CRLF3: variants seen among roughly 807,000 people sequenced by gnomAD.
CRLF3 encodes cytokine receptor like factor 3.
Under a neutral mutation model 55.0 loss-of-function variants are expected in CRLF3, and 33 were observed. The ratio of observed to expected loss-of-function variants is 0.60; its 90% CI spans 0.46 to 0.80. The LOEUF (loss-of-function observed/expected upper bound fraction) is 0.80, where lower values mean the gene tolerates loss of function less well. Ranked by LOEUF, CRLF3 falls within the 30% of genes least tolerant of loss-of-function variation. CRLF3 has a pLI of 0.00. For missense variants in CRLF3, 494 were observed against 538.4 expected (o/e 0.92, Z 0.82); for synonymous variants, 238 against 196.8 (o/e 1.21, Z -1.75).
chr17:30,804,151 A>G, intron 1 of CRLF3, 43 bp from the exon 2 acceptor site: 1 of 1,416,214 alleles, frequency 7.1e-7, no homozygotes, highest in Non-Finnish European at 1.0e-6. Flanking sequence ...AATCTTTAAA[A>G]AAGGCTAATC....
chr17:30,795,663 C>T (rs1394460649), intron 4 of CRLF3, among the ~76,000 whole-genome samples: 2 of 151,496 alleles, frequency 1.3e-5, no homozygotes, highest in African/African-American at 4.9e-5. Flanking sequence ...AGGCCAGGCA[C>T]GGCGGCTCAC....
rs577741884 is a variant in CRLF3 at position 30,817,362 on chromosome 17, C to T, written c.129+7161G>A. 4.6e-5 allele frequency among the ~76,000 whole-genome samples: 7 copies of T among 151,416 alleles called. No homozygotes were observed. The South Asian group carries it at 1.3e-3, about 27-fold the overall frequency. On this transcript the variant is annotated intron_variant, in intron 1 of 7. Coordinates refer to ENST00000324238, the MANE Select transcript of CRLF3 (RefSeq NM_015986.4). ...CTGAGGCAGGAGAATTGCTTGAACC[C>T]GGGAGGTGGAGGTTGCAGTGAACCA...
intron 3 of CRLF3, among the ~76,000 whole-genome samples, chr17:30,797,091 A>G (rs1971929688): frequency 6.6e-6 from 1 of 151,962 alleles, no homozygotes; most frequent in Non-Finnish European, 1.5e-5. Flanking sequence ...GGGTTTCAAC[A>G]TGTTGGCCAG....
intron 6 of CRLF3, among the ~76,000 whole-genome samples, chr17:30,788,920 A>G (rs1971718330): frequency 6.6e-6 from 1 of 151,960 alleles, no homozygotes; most frequent in South Asian, 2.1e-4. Context: ...TAGTGCCTTC[A>G]AGAGTATAGT....
intron 4 of CRLF3, among the ~76,000 whole-genome samples, chr17:30,795,951 T>C (rs1055497831): frequency 6.6e-6 from 1 of 152,044 alleles, no homozygotes; most frequent in Non-Finnish European, 1.5e-5. Context: ...AGCAAAACTC[T>C]GTCTCAAAAA....
In CRLF3 at chr17:30,783,732, T is replaced by TG. The variant is rs1220303650; in HGVS notation, c.*454dup. Reference sequence around the variant, plus strand: ...ATGGAGAGCACAGTCAACACATTCATGTGGACAGCACATGAACGGATGTAT... The same window carrying TG: ...ATGGAGAGCACAGTCAACACATTCATGGTGGACAGCACATGAACGGATGTAT... On this transcript the variant is annotated 3_prime_UTR_variant, in exon 8 of 8. Coordinates refer to ENST00000324238, the MANE Select transcript of CRLF3 (RefSeq NM_015986.4). The TG allele has an allele frequency of 2.0e-5, 3 of 153,752 alleles. No homozygotes were observed. Among genetic ancestry groups the TG allele is most frequent in the Non-Finnish European group, 2.9e-5 (2 of 69,184 alleles). 9.5% of individuals were successfully genotyped at this position (153,752 alleles called of 1,614,324 possible).
intron 3 of CRLF3, 92 bp from the exon 4 acceptor site, chr17:30,796,429 C>G: frequency 1.1e-6 from 1 of 899,156 alleles, no homozygotes. Context: ...CTTGAAAGAT[C>G]CTGAAGCCCC....
intron 1 of CRLF3, 50 bp downstream of exon 1, chr17:30,824,473 T>G (rs996486909): frequency 6.6e-7 from 1 of 1,522,644 alleles, no homozygotes; most frequent in African/African-American, 1.4e-5. Context: ...TCGCCCGGCA[T>G]CCGCGCCACC....
At chr17:30,785,366 C>T (rs73269974) in intron 7 of CRLF3, among the ~76,000 whole-genome samples, 19,309 of 151,868 alleles carry the variant, frequency 0.13, 1,290 homozygotes, top group South Asian at 0.25. Context: ...TGATCCACCG[C>T]GCCCGGCCTC....
rs1402265440 is a variant in CRLF3, at chr17:30,803,728, G to A, written c.337+173C>T. ...CTCTCATTCTCTTCTCTTGTCTGCC[G>A]CCATGTGAGATGTGCCTTTCACCTG... On this transcript the variant is annotated intron_variant, in intron 2 of 7. Coordinates refer to ENST00000324238, the MANE Select transcript of CRLF3 (RefSeq NM_015986.4). The A allele has an allele frequency of 3.3e-5, 21 of 628,570 alleles. 1 individual carries two copies. The highest frequency in any genetic ancestry group is 2.1e-4 in the South Asian group (11 of 52,700). 38.9% of individuals were successfully genotyped at this position (628,570 alleles called of 1,614,324 possible).
intron 1 of CRLF3, 72 bp from the exon 2 acceptor site, chr17:30,804,180 G>T: frequency 2.0e-6 from 2 of 1,017,914 alleles, no homozygotes; most frequent in South Asian, 1.4e-5. Flanking sequence ...TAATTCACAT[G>T]AATCTAAAAG....
chr17:30,823,688 T>C (rs1305913769), intron 1 of CRLF3, among the ~76,000 whole-genome samples: 1 of 152,072 alleles, frequency 6.6e-6, no homozygotes, highest in Admixed American at 6.6e-5. Context: ...TTTCTATATA[T>C]ATTCGAGGGT....
chr17:30,800,107 A>C (rs961237919), intron 2 of CRLF3, among the ~76,000 whole-genome samples: 3 of 152,140 alleles, frequency 2.0e-5, no homozygotes, highest in African/African-American at 7.2e-5. Flanking sequence ...TGAATCATCC[A>C]CGCCTTTTTC....
chr17:30,795,644 A>G (rs976387864), intron 4 of CRLF3, among the ~76,000 whole-genome samples: 5 of 148,230 alleles, frequency 3.4e-5, no homozygotes, highest in Non-Finnish European at 6.0e-5. Context: ...GGCTTCATTT[A>G]AAAAAAAAAG....
intron 1 of CRLF3, among the ~76,000 whole-genome samples, chr17:30,805,507 T>G (rs1163309381): frequency 2.0e-5 from 3 of 149,786 alleles, no homozygotes; most frequent in Non-Finnish European, 4.5e-5. Flanking sequence ...AGGTCAGGAG[T>G]TCAAGATCAG....
chr17:30,816,958 A>T (rs1904825663), intron 1 of CRLF3, among the ~76,000 whole-genome samples: 1 of 152,198 alleles, frequency 6.6e-6, no homozygotes, highest in South Asian at 2.1e-4. Context: ...AAAATCGCCC[A>T]ATGACACATT....
intron 2 of CRLF3, chr17:30,801,036 A>C (rs1257512784): frequency 1.3e-5 from 2 of 152,244 alleles, no homozygotes; most frequent in Non-Finnish European, 2.9e-5. Context: ...GGCCTCCCAA[A>C]GTGCTGGGAT....
chr17:30,818,956 C>T (rs1228393374), intron 1 of CRLF3, among the ~76,000 whole-genome samples: 1 of 151,942 alleles, frequency 6.6e-6, no homozygotes, highest in Non-Finnish European at 1.5e-5. Context: ...GCTGGAATTA[C>T]AGGTGCATTC....
At chr17:30,819,509 G>A (rs985805639) in intron 1 of CRLF3, among the ~76,000 whole-genome samples, 6 of 151,872 alleles carry the variant, frequency 4.0e-5, no homozygotes, top group South Asian at 2.1e-4. Context: ...ATGGAGTCTC[G>A]CTCTGTCGCC....
Sources: gnomAD v4.1 joint callset for allele counts (sites outside exome capture counted in the v4.1 genomes callset) on GRCh38, gnomAD v4.1.1 for gene constraint, MANE v1.5 for transcripts, NCBI Gene and HGNC (gene_info 2026-07-23, HGNC 2026-07-21) for gene names.